CDH2: variants seen among roughly 807,000 people sequenced by gnomAD.
CDH2 encodes the protein cadherin 2, also known as cadherin-2.
In CDH2, 17 loss-of-function variants were observed where a neutral mutation model predicts 92.0. The observed-to-expected ratio is 0.18, with a 90% CI of 0.13 to 0.28. CDH2 has a LOEUF of 0.28. CDH2 is among the 10% of genes least tolerant of loss of function. The pLI, the probability that CDH2 is intolerant of heterozygous loss-of-function variation, is 1.00. For synonymous variants in CDH2, 419 were observed against 415.9 expected (o/e 1.01, Z -0.09); for missense variants, 862 against 1,133.1 (o/e 0.76, Z 3.44).
At chr18:27,955,086 A>G (rs1909641887) in intron 15 of CDH2, among the ~76,000 whole-genome samples, 1 of 152,294 alleles carries the variant, frequency 6.6e-6, no homozygotes, top group South Asian at 2.1e-4. Context: ...TTTATAATAC[A>G]GACAACAGAG....
rs141391191 is a variant in CDH2 at position 28,109,085 on chromosome 18, T to G, written c.172+38588A>C. Among the ~76,000 whole-genome samples, 608 of 152,300 alleles carry G rather than the reference T, an allele frequency of 4.0e-3. 7 individuals carry two copies. The highest frequency in any genetic ancestry group is 0.014 in the African/African-American group (589 of 41,560). On this transcript the variant is annotated intron_variant, in intron 2 of 15. Coordinates refer to ENST00000269141, the MANE Select transcript of CDH2 (RefSeq NM_001792.5). The stretch of plus-strand genomic sequence containing the variant: ...AGCCACCATGCCATGGGAGAATAAT[T>G]AGGCTGCTAATGACCTAAATACTGT...
chr18:28,009,463 T>C (rs1257304175), intron 5 of CDH2, among the ~76,000 whole-genome samples: 1 of 152,210 alleles, frequency 6.6e-6, no homozygotes, highest in Admixed American at 6.5e-5. Flanking sequence ...CAAGTATCAA[T>C]ATGTAAAGAG....
At chr18:27,981,069 G>A (rs538571800) in intron 14 of CDH2, among the ~76,000 whole-genome samples, 31 of 152,168 alleles carry the variant, frequency 2.0e-4, no homozygotes, top group East Asian at 1.2e-3. Flanking sequence ...AATACCCCAC[G>A]GTCCAGTCCC....
chr18:28,003,292 AT>A, intron 6 of CDH2, 123 bp from the exon 7 acceptor site: 1 of 671,004 alleles, frequency 1.5e-6, no homozygotes, highest in Non-Finnish European at 2.4e-6. Flanking sequence ...ATTTAAAGTC[AT>A]TTAGACTTGA....
intron 4 of CDH2, 47 bp downstream of exon 4, chr18:28,011,799 T>C (rs1010796732): frequency 1.3e-6 from 2 of 1,558,504 alleles, no homozygotes; most frequent in Non-Finnish European, 1.8e-6. Flanking sequence ...ATTTTTAACA[T>C]ACATTTGTCT....
At chr18:28,156,135 C>T (rs1222779826) in intron 1 of CDH2, among the ~76,000 whole-genome samples, 1 of 152,136 alleles carries the variant, frequency 6.6e-6, no homozygotes, top group African/African-American at 2.4e-5. Flanking sequence ...CATCTGACAG[C>T]CTAGTAATTT....
intron 2 of CDH2, among the ~76,000 whole-genome samples, chr18:28,137,109 T>G (rs2144307473): frequency 6.6e-6 from 1 of 152,298 alleles, no homozygotes; most frequent in African/African-American, 2.4e-5. Context: ...TAAAAGTTAG[T>G]ACAATTAAAA....
intron 2 of CDH2, among the ~76,000 whole-genome samples, chr18:28,072,034 G>C (rs2014627618): frequency 6.6e-6 from 1 of 152,090 alleles, no homozygotes. Context: ...TGATTCTATA[G>C]AATTCTTGTC....
intron 1 of CDH2, among the ~76,000 whole-genome samples, chr18:28,156,466 C>A (rs34145604): frequency 0.056 from 3,306 of 58,738 alleles, 90 homozygotes; most frequent in African/African-American, 0.076. Context: ...CCAGGTACAG[C>A]ATGTCACCTT....
rs2011466331 is a variant in CDH2 at position 27,963,636 on chromosome 18, A to G, written c.2350-115T>C. 3 of 828,128 alleles carry G rather than the reference A, an allele frequency of 3.6e-6. No individual in the cohort carries two copies. In the East Asian group the frequency reaches 7.9e-5, roughly 22 times the overall value. The allele number at this position is 828,128 out of a possible 1,614,324, so 51.3% of individuals were successfully genotyped here. The stretch of plus-strand genomic sequence containing the variant: ...ATAGAAATGAGGAAAATTTAACATA[A>G]TGGAAAAGTTGCCACTATGAGTTTT... On this transcript the variant is annotated intron_variant, in intron 14 of 15. Coordinates refer to ENST00000269141, the MANE Select transcript of CDH2 (RefSeq NM_001792.5).
intron 2 of CDH2, among the ~76,000 whole-genome samples, chr18:28,028,576 TAATA>T (rs1174710737): frequency 6.6e-6 from 1 of 152,004 alleles, no homozygotes; most frequent in Non-Finnish European, 1.5e-5. Flanking sequence ...CATGAAGAAA[TAATA>T]TATATAAAAA....
Position 27,985,115 on chromosome 18 carries a change from C to T in CDH2, c.2094G>A (p.Val698=), listed in dbSNP as rs761196139. 1.2e-6 allele frequency: 2 copies of T among 1,613,870 alleles called. No homozygotes were observed. Among genetic ancestry groups the T allele is most frequent in the African/African-American group, 1.3e-5 (1 of 74,912 alleles). Residue 698 remains valine (V), a synonymous_variant, in exon 13 of 16, where the codon GTG becomes GTA. Coordinates refer to ENST00000269141, the MANE Select transcript of CDH2 (RefSeq NM_001792.5). ...PPKSNISILR[V]KVCQCDSNGD... is the part of the protein sequence containing the mutation. ...CGTTGGAGTCACACTGGCAAACCTT[C>T]ACACGCAGGATGGAAATATTTGATT...
chr18:28,097,292 A>G (rs2015151620), intron 2 of CDH2: 1 of 152,118 alleles, frequency 6.6e-6, no homozygotes, highest in Non-Finnish European at 1.5e-5. Context: ...GAAAATGGAG[A>G]TGCACAGTCT....
chr18:28,168,626 A>G, intron 1 of CDH2: 1 of 491,736 alleles, frequency 2.0e-6, no homozygotes, highest in Non-Finnish European at 2.6e-6. Flanking sequence ...TGTTGATCAA[A>G]ACTATTAGAA....
chr18:28,001,997 T>C (rs1377157794), intron 7 of CDH2, among the ~76,000 whole-genome samples: 1 of 152,236 alleles, frequency 6.6e-6, no homozygotes, highest in Non-Finnish European at 1.5e-5. Context: ...GCCAGAAATC[T>C]ACAAAGCACA....
chr18:27,939,304 C>CATT (rs1328008924), intron 6 of CDH2, among the ~76,000 whole-genome samples: 1 of 152,184 alleles, frequency 6.6e-6, no homozygotes, highest in Non-Finnish European at 1.5e-5. Flanking sequence ...TTAAGAGCTA[C>CATT]ATTACTTCTA....
chr18:28,009,659 AC>A, intron 5 of CDH2, 57 bp downstream of exon 5: 1 of 1,521,842 alleles, frequency 6.6e-7, no homozygotes, highest in Non-Finnish European at 9.0e-7. Context: ...GCAATGGTAA[AC>A]TCTGCAGACA....
At chr18:28,125,780 A>C (rs370677879) in intron 2 of CDH2, among the ~76,000 whole-genome samples, 1 of 152,120 alleles carries the variant, frequency 6.6e-6, no homozygotes, top group Non-Finnish European at 1.5e-5. Flanking sequence ...TCAATAAAGA[A>C]ACTGAAGGGG....
rs186220648 is a variant in CDH2 at position 27,942,778 on chromosome 18, C to T, written c.1152-9654G>A. 6.0e-3 allele frequency among the ~76,000 whole-genome samples: 912 copies of T among 152,202 alleles called. 9 individuals are homozygous for T. The highest frequency in any genetic ancestry group is 0.021 in the African/African-American group (860 of 41,528). The stretch of plus-strand genomic sequence containing the variant: ...CTTACAACTGGAAAATGAAACATGT[C>T]GGCCAGAGATGGTAGGTAGGTCTTG... On this transcript the variant is annotated intron_variant, in intron 6 of 6. Transcript: ENST00000675173.
Sources: gnomAD v4.1 joint callset for allele counts (sites outside exome capture counted in the v4.1 genomes callset) on GRCh38, gnomAD v4.1.1 for gene constraint, MANE v1.5 for transcripts, NCBI Gene and HGNC (gene_info 2026-07-23, HGNC 2026-07-21) for gene names.